The following RABGAP1L variants were observed in gnomAD, a reference collection of about 807,000 sequenced individuals.
RABGAP1L encodes the protein rab GTPase-activating protein 1-like.
A neutral mutation model predicts 137.7 loss-of-function variants in RABGAP1L; 63 were observed. The observed-to-expected ratio is 0.46, with a 90% confidence interval of 0.37 to 0.56. The LOEUF is 0.56. RABGAP1L is among the 20% of genes least tolerant of loss of function. The pLI is 0.00. For synonymous variants in RABGAP1L, 431 were observed against 433.7 expected, an observed-to-expected ratio of 0.99 and a Z score of 0.08; for missense variants, 1,095 against 1,244.0, an observed-to-expected ratio of 0.88 and a Z score of 1.80.
chr1:174,336,606 A>G (rs1210389352), intron 11 of RABGAP1L, among the ~76,000 whole-genome samples: 1 of 152,190 alleles, frequency 6.6e-6, no homozygotes, highest in Admixed American at 6.5e-5. Flanking sequence ...TTTATTTTAT[A>G]GGTCAGGGGT....
chr1:174,976,891 G>A (rs1230797335), intron 22 of RABGAP1L, among the ~76,000 whole-genome samples: 2 of 152,194 alleles, frequency 1.3e-5, no homozygotes, highest in African/African-American at 4.8e-5. Context: ...CTTCATCAGT[G>A]TTTTCTACCC....
At chr1:174,493,896 T>TTTGA (rs1425770787) in intron 13 of RABGAP1L, among the ~76,000 whole-genome samples, 3 of 151,842 alleles carry the variant, frequency 2.0e-5, no homozygotes, top group Non-Finnish European at 4.4e-5. Flanking sequence ...AAGTAAGGTA[T>TTTGA]TTGAGGTTTA....
intron 17 of RABGAP1L, 98 bp from the exon 18 acceptor site, chr1:174,752,215 A>G: frequency 3.3e-6 from 3 of 917,342 alleles, no homozygotes; most frequent in Non-Finnish European, 3.3e-6. Context: ...GATGAAAGCA[A>G]TTAGGAATTT....
chr1:174,943,084 T>G (rs1456722047), intron 19 of RABGAP1L, among the ~76,000 whole-genome samples: 1 of 152,182 alleles, frequency 6.6e-6, no homozygotes, highest in Non-Finnish European at 1.5e-5. Flanking sequence ...CTGGTTCCTG[T>G]GTACCTCTCG....
At chr1:174,522,542 G>A (rs1034212125) in intron 13 of RABGAP1L, among the ~76,000 whole-genome samples, 6 of 151,492 alleles carry the variant, frequency 4.0e-5, no homozygotes, top group African/African-American at 1.5e-4. Context: ...AGAAGAGGGG[G>A]AAGGAGGTGA....
intron 1 of RABGAP1L, among the ~76,000 whole-genome samples, chr1:174,169,219 A>G (rs187472603): frequency 2.8e-4 from 42 of 152,166 alleles, no homozygotes; most frequent in African/African-American, 9.6e-4. Context: ...TTGAAAATAT[A>G]AAGGTGTTTT....
intron 13 of RABGAP1L, among the ~76,000 whole-genome samples, chr1:174,411,377 A>G (rs1159738416): frequency 6.6e-6 from 1 of 152,022 alleles, no homozygotes; most frequent in Non-Finnish European, 1.5e-5. Context: ...TTTGTCATGA[A>G]TGGTTCCTGT....
At chr1:174,178,216 C>T (rs1403512128) in intron 1 of RABGAP1L, among the ~76,000 whole-genome samples, 1 of 151,964 alleles carries the variant, frequency 6.6e-6, no homozygotes, top group Admixed American at 6.6e-5. Flanking sequence ...AGTTGTATTC[C>T]TAGTTATTTT....
chr1:174,398,946 G>A (rs1032917641), intron 13 of RABGAP1L, among the ~76,000 whole-genome samples: 1 of 152,116 alleles, frequency 6.6e-6, no homozygotes, highest in Non-Finnish European at 1.5e-5. Flanking sequence ...GATTAGCAAT[G>A]TGTAATTCAG....
Position 174,988,735 on chromosome 1 carries a change from A to T in RABGAP1L, c.2900A>T (p.Glu967Val). ...ACAGGCAGAGAGGACCAGGGAATTG[A>T]AACAGATGATGAGAAGGACTCACTT... ...AATGREDQGI[E>V]TDDEKDSLKK... The change falls in exon 25 of 26, where the codon GAA (glutamate) becomes GTA (valine). Residue 967 changes from glutamate (E) to valine (V), a missense_variant. Physicochemically the swap from Glu to Val is moderately radical, Grantham distance 121. Transcript: ENST00000681986. 2 of 1,549,724 alleles carry T rather than the reference A, an allele frequency of 1.3e-6. No homozygotes were observed. The highest frequency in any genetic ancestry group is 1.7e-6 in the Non-Finnish European group (2 of 1,146,532).
rs192506433 is a variant in RABGAP1L, at chr1:174,442,610, A to G, written c.1710+48465A>G. Among the ~76,000 whole-genome samples the G allele has an allele frequency of 4.3e-3, 662 of 152,238 alleles. 8 individuals carry two copies. Among genetic ancestry groups the G allele is most frequent in the Admixed American group, 0.011 (161 of 15,282 alleles). On this transcript the variant is annotated intron_variant, in intron 13 of 25. Coordinates refer to ENST00000681986, the MANE Select transcript of RABGAP1L (RefSeq NM_001366446.1). Reference sequence around the variant, plus strand: ...GTAGAAATCATTTTTACAATTAATAATACATAATAGTTATATATGGGGTAC... The same window carrying G: ...GTAGAAATCATTTTTACAATTAATAGTACATAATAGTTATATATGGGGTAC...
intron 11 of RABGAP1L, among the ~76,000 whole-genome samples, chr1:174,346,984 GTCATTC>G (rs1682490482): frequency 6.6e-6 from 1 of 152,008 alleles, no homozygotes; most frequent in Non-Finnish European, 1.5e-5. Flanking sequence ...TGACTCACTG[GTCATTC>G]AGGAGGAAGT....
intron 13 of RABGAP1L, among the ~76,000 whole-genome samples, chr1:174,615,958 C>T (rs1671810488): frequency 6.6e-6 from 1 of 152,194 alleles, no homozygotes; most frequent in Non-Finnish European, 1.5e-5. Context: ...TGGGAGTTAC[C>T]CGATTTTCCA....
intron 13 of RABGAP1L, among the ~76,000 whole-genome samples, chr1:174,463,534 A>T (rs1656953612): frequency 6.6e-6 from 1 of 152,050 alleles, no homozygotes; most frequent in Non-Finnish European, 1.5e-5. Flanking sequence ...GGGGGAAGGG[A>T]TAGCATTAGG....
At chr1:174,637,305 CAT>C in intron 13 of RABGAP1L, 68 bp from the exon 14 acceptor site, 1 of 1,039,774 alleles carries the variant, frequency 9.6e-7, no homozygotes, top group African/African-American at 1.6e-5. Flanking sequence ...AGTTTTTTAC[CAT>C]GTGTATATAT....
intron 19 of RABGAP1L, among the ~76,000 whole-genome samples, chr1:174,949,758 G>A (rs1667438347): frequency 6.6e-6 from 1 of 152,152 alleles, no homozygotes; most frequent in Non-Finnish European, 1.5e-5. Context: ...AATATCTAAA[G>A]CAGAAGTGCC....
chr1:174,679,103 CCGA>C (rs1407104130), intron 14 of RABGAP1L, among the ~76,000 whole-genome samples: 2 of 152,188 alleles, frequency 1.3e-5, no homozygotes, highest in African/African-American at 2.4e-5. Context: ...GGTTTATATC[CCGA>C]TCATTGTCCC....
intron 18 of RABGAP1L, among the ~76,000 whole-genome samples, chr1:174,779,828 A>G (rs1345938471): frequency 6.6e-6 from 1 of 152,064 alleles, no homozygotes; most frequent in South Asian, 2.1e-4. Flanking sequence ...TTTTATTTAA[A>G]CAATCATATC....
intron 14 of RABGAP1L, among the ~76,000 whole-genome samples, chr1:174,640,121 A>T (rs1021730973): frequency 1.3e-5 from 2 of 152,170 alleles, no homozygotes; most frequent in African/African-American, 4.8e-5. Flanking sequence ...CTGTATATAC[A>T]TAAAAATAAT....
Sources: gnomAD v4.1 joint callset for allele counts (sites outside exome capture counted in the v4.1 genomes callset) on GRCh38, gnomAD v4.1.1 for gene constraint, MANE v1.5 for transcripts, NCBI Gene and HGNC (gene_info 2026-07-23, HGNC 2026-07-21) for gene names.